LRRC41: variants seen among roughly 807,000 people sequenced by gnomAD.
LRRC41 encodes the protein leucine rich repeat containing 41, also known as leucine-rich repeat-containing protein 41.
In LRRC41, 17 loss-of-function variants were observed where a neutral mutation model predicts 72.1. The ratio of observed to expected loss-of-function variants is 0.24; its 90% CI spans 0.16 to 0.35. The LOEUF is 0.35. Among genes scored for constraint, LRRC41 ranks in the 10% least tolerant of loss-of-function variants. The pLI is 1.00. For missense variants in LRRC41, 759 were observed against 1,065.0 expected, an observed-to-expected ratio of 0.71 and a Z score of 4.00; for synonymous variants, 427 against 431.0, an observed-to-expected ratio of 0.99 and a Z score of 0.11.
At position 46,277,803 on chromosome 1, in the gene LRRC41, C is replaced by T. The variant is rs1304382961; in HGVS notation, c.*1062G>A. On this transcript the variant is annotated 3_prime_UTR_variant, in exon 10 of 10. Transcript: ENST00000617190. The stretch of plus-strand genomic sequence containing the variant: ...CGCTGTATCTTTTGACATTCCCCAC[C>T]TCCTCTTCCCCAGGCAGGGACCATT... The T allele has an allele frequency of 6.3e-7, 1 of 1,598,174 alleles. No homozygotes were observed. The highest frequency in any genetic ancestry group is 1.3e-5 in the African/African-American group (1 of 74,570).
chr1:46,297,097 A>G (rs1450158308), intron 3 of LRRC41: 1 of 154,624 alleles, frequency 6.5e-6, no homozygotes, highest in Non-Finnish European at 1.4e-5. Flanking sequence ...TAGTTCACAC[A>G]GCTCAAGGTA....
At position 46,278,326 on chromosome 1, in the gene LRRC41, GA is replaced by G; in HGVS notation, c.*538del. 2 of 1,551,944 alleles carry G rather than the reference GA, an allele frequency of 1.3e-6. No individual in the cohort carries two copies. Among genetic ancestry groups the G allele is most frequent in the Non-Finnish European group, 1.8e-6 (2 of 1,140,228 alleles). On this transcript the variant is annotated 3_prime_UTR_variant, in exon 10 of 10. Transcript: ENST00000617190. ...GTAGCTCTTAGAGGAAGGAGATAGG[GA>G]AAAGGGGCTCCTTGCTCCACAGGGC... is the stretch of plus-strand genomic sequence containing the variant.
rs1457825036 is a variant in LRRC41, at chr1:46,277,836, A to T, written c.*1029T>A. 6.2e-7 allele frequency: 1 copy of T among 1,611,356 alleles called. No homozygotes were observed. Among genetic ancestry groups the T allele is most frequent in the Admixed American group, 1.7e-5 (1 of 60,016 alleles). On this transcript the variant is annotated 3_prime_UTR_variant, in exon 10 of 10. Transcript: ENST00000617190. ...CCCCAGGCAGGGACCATTGAGGAGA[A>T]GATCTTCCAGCGTCAGAGCCACAAG...
chr1:46,287,126 T>C (rs181394784), intron 3 of LRRC41, among the ~76,000 whole-genome samples: 1 of 151,616 alleles, frequency 6.6e-6, no homozygotes, highest in East Asian at 1.9e-4. Flanking sequence ...TCATTTTTTT[T>C]TAGACGGAGT....
rs1660884244 is a variant in LRRC41, at chr1:46,286,365, G to C, written c.492C>G (p.Val164=). 1.2e-6 allele frequency: 2 copies of C among 1,614,058 alleles called. No homozygotes were observed. The change falls in exon 4 of 10, where the codon GTC becomes GTG. Residue 164 remains valine, a synonymous_variant. Coordinates refer to ENST00000617190, the MANE Select transcript of LRRC41 (RefSeq NM_006369.5). The surrounding 1 kb of genome is among the most constrained non-coding windows in gnomAD (Gnocchi z 5.5). Reference sequence around the variant, plus strand: ...GCATGTTACAGATGGTGAGCTGTCGGACATGGCGGGAGCTGTGCAGAAGAG... The same window carrying C: ...GCATGTTACAGATGGTGAGCTGTCGCACATGGCGGGAGCTGTGCAGAAGAG... ...FSPLLHSSRH[V]RQLTICNMLQ... is the part of the protein sequence containing the mutation.
At chr1:46,282,721 G>A (rs1044260636) in intron 4 of LRRC41, among the ~76,000 whole-genome samples, 3 of 151,994 alleles carry the variant, frequency 2.0e-5, no homozygotes, top group African/African-American at 4.8e-5. Context: ...AGAGTGTGAA[G>A]GGGGGAAGCA....
chr1:46,301,339 G>A (rs895683820), intron 1 of LRRC41, among the ~76,000 whole-genome samples: 5 of 151,960 alleles, frequency 3.3e-5, no homozygotes, highest in Admixed American at 1.3e-4. Flanking sequence ...AGCTCCAGGC[G>A]GAAAAGCCAG....
chr1:46,291,353 A>G (rs1243239776), intron 3 of LRRC41, among the ~76,000 whole-genome samples: 1 of 152,042 alleles, frequency 6.6e-6, no homozygotes, highest in East Asian at 1.9e-4. Flanking sequence ...TTTTTTTAAG[A>G]GACAGGGTCT....
chr1:46,285,055 A>G lies in LRRC41; in HGVS notation c.1495+307T>C, dbSNP rs1429324679. ...ACTCTAGCCCTGCCTGAGCATGCAT[A>G]TACTATACTGCTCCCACCTGCCCTT... On this transcript the variant is annotated intron_variant, in intron 4 of 9. Transcript: ENST00000617190. This position sits in a 1 kb window ranked among gnomAD's most constrained non-coding sequence, Gnocchi z 5.3. 1.5e-5 allele frequency: 6 copies of G among 406,646 alleles called. No homozygotes were observed. The highest frequency in any genetic ancestry group is 2.3e-5 in the Non-Finnish European group (5 of 215,580). 25.2% of individuals were successfully genotyped at this position (406,646 alleles called of 1,614,324 possible).
intron 5 of LRRC41, 152 bp from the exon 6 acceptor site, chr1:46,280,712 T>TC: frequency 1.3e-6 from 1 of 789,270 alleles, no homozygotes; most frequent in Non-Finnish European, 2.0e-6. Flanking sequence ...TGTGCTAGAT[T>TC]CTAGGAATTG....
Position 46,302,150 on chromosome 1 carries a change from C to T in LRRC41, c.199+974G>A. 3.0e-6 allele frequency: 3 copies of T among 985,314 alleles called. No individual in the cohort carries two copies. Among genetic ancestry groups the T allele is most frequent in the South Asian group, 4.7e-5 (1 of 21,286 alleles). 61.0% of individuals were successfully genotyped at this position (985,314 alleles called of 1,614,324 possible). ...GGCCGCCCTCCATCCAGGCCCGGCC[C>T]TTTGGTCCCGGCCGCCTTCAGGCCT... On this transcript the variant is annotated intron_variant, in intron 1 of 9. Coordinates refer to ENST00000617190, the MANE Select transcript of LRRC41 (RefSeq NM_006369.5). This position sits in a 1 kb window ranked among gnomAD's most constrained non-coding sequence, Gnocchi z 4.7.
At position 46,278,761 on chromosome 1, in the gene LRRC41, C is replaced by T. The variant is rs760425938; in HGVS notation, c.*104G>A. 8.6e-6 allele frequency: 10 copies of T among 1,160,602 alleles called. No individual in the cohort carries two copies. The East Asian group carries it at 2.1e-4, about 25-fold the overall frequency. 71.9% of individuals were successfully genotyped at this position (1,160,602 alleles called of 1,614,324 possible). A position where few individuals can be genotyped will look rare whatever the true frequency, so the allele number is the denominator to read the frequency against. Reference sequence around the variant, plus strand: ...GAAGGAAAAAAGAGAAAAAAGGTGACAGAAAGAGAAAGATAGAACTGGTGG... The same window carrying T: ...GAAGGAAAAAAGAGAAAAAAGGTGATAGAAAGAGAAAGATAGAACTGGTGG... On this transcript the variant is annotated 3_prime_UTR_variant, in exon 10 of 10. Transcript: ENST00000617190.
At chr1:46,301,539 C>G (rs1661223398) in intron 1 of LRRC41, among the ~76,000 whole-genome samples, 1 of 152,004 alleles carries the variant, frequency 6.6e-6, no homozygotes, top group Non-Finnish European at 1.5e-5. Flanking sequence ...CACCACTATG[C>G]AGGACACTCA....
At chr1:46,292,371 A>G (rs139747040) in intron 3 of LRRC41, among the ~76,000 whole-genome samples, 1 of 152,288 alleles carries the variant, frequency 6.6e-6, no homozygotes, top group East Asian at 1.9e-4. Flanking sequence ...GTCTGGAATT[A>G]CAGGTAAGAG....
chr1:46,279,456 C>G lies in LRRC41; in HGVS notation c.2143+36G>C. 6.2e-7 allele frequency: 1 copy of G among 1,614,166 alleles called. No individual in the cohort carries two copies. The highest frequency in any genetic ancestry group is 8.5e-7 in the Non-Finnish European group (1 of 1,180,034). Reference sequence around the variant, plus strand: ...GAGTTTTTAGGTCAAAGGCCTAGCTCCTTTCCCCTCTCCCTCCCCAGGGTC... The same window carrying G: ...GAGTTTTTAGGTCAAAGGCCTAGCTGCTTTCCCCTCTCCCTCCCCAGGGTC... On this transcript the variant is annotated intron_variant, in intron 8 of 9. Transcript: ENST00000617190. This position sits in a 1 kb window ranked among gnomAD's most constrained non-coding sequence, Gnocchi z 4.5.
chr1:46,285,879 G>A lies in LRRC41; in HGVS notation c.978C>T (p.Ser326=). 6.4e-7 allele frequency: 1 copy of A among 1,564,600 alleles called. No individual in the cohort carries two copies. Among genetic ancestry groups the A allele is most frequent in the Non-Finnish European group, 8.6e-7 (1 of 1,157,924 alleles). ...AAPATRVTRR[S]TQESLTAGGT... is the part of the protein sequence containing the mutation. ...CGCCTGCTGTCAGGCTCTCCTGTGTGCTCCGGCGTGTTACCCGAGTGGCAG... is the reference window on the plus strand; with the variant it reads ...CGCCTGCTGTCAGGCTCTCCTGTGTACTCCGGCGTGTTACCCGAGTGGCAG... The change falls in exon 4 of 10, where the codon AGC becomes AGT. Residue 326 remains serine, a synonymous_variant. Coordinates refer to ENST00000617190, the MANE Select transcript of LRRC41 (RefSeq NM_006369.5). This position sits in a 1 kb window ranked among gnomAD's most constrained non-coding sequence, Gnocchi z 5.3.
rs765837749 is a variant in LRRC41, at chr1:46,279,176, A to G, written c.2219+6T>C. On this transcript the variant is annotated splice_donor_region_variant and intron_variant, in intron 9 of 9. Coordinates refer to ENST00000617190, the MANE Select transcript of LRRC41 (RefSeq NM_006369.5). This position sits in a 1 kb window ranked among gnomAD's most constrained non-coding sequence, Gnocchi z 4.5. ...CATCCCTTGTCTTGCCCCTCCCCTC[A>G]TGTACCTGATGTCCAGCTGACAGAG... The G allele has an allele frequency of 6.2e-7, 1 of 1,613,980 alleles. No individual in the cohort carries two copies.
chr1:46,285,305 C>G lies in LRRC41; in HGVS notation c.1495+57G>C. ...CCTCCCACCTCCCTAGAATTAGGCA[C>G]ACAGCTGGTGCTGCTAGGCAATCTA... is the stretch of plus-strand genomic sequence containing the variant. On this transcript the variant is annotated intron_variant, in intron 4 of 9. Transcript: ENST00000617190. The surrounding 1 kb of genome is among the most constrained non-coding windows in gnomAD (Gnocchi z 5.3). 6.3e-7 allele frequency: 1 copy of G among 1,579,118 alleles called. No individual in the cohort carries two copies. Among genetic ancestry groups the G allele is most frequent in the South Asian group, 1.1e-5 (1 of 87,494 alleles).
At position 46,303,276 on chromosome 1, in the gene LRRC41, T is replaced by A. The variant is rs1055476089; in HGVS notation, c.47A>T (p.Glu16Val). 13 of 1,544,348 alleles carry A rather than the reference T, an allele frequency of 8.4e-6. No homozygotes were observed. The highest frequency in any genetic ancestry group is 1.1e-5 in the Non-Finnish European group (13 of 1,145,834). ...CTCCATGGTCGTTGCCGCCGCTACC[T>A]CACAGAACCAGCAACTCCGGGCGCG... ...AWRARSCWFC[E>V]VAAATTMEAT... Residue 16 changes from glutamate to valine, a missense_variant, in exon 1 of 10, where the codon GAG (glutamate) becomes GTG (valine). Glu to Val is a moderately radical substitution (Grantham distance 121). Around this residue, in one of 4 missense-constraint regions of LRRC41, gnomAD observed 106 missense variants for 66.1 expected, o/e 1.60. Coordinates refer to ENST00000617190, the MANE Select transcript of LRRC41 (RefSeq NM_006369.5).
Sources: allele counts gnomAD v4.1 joint callset (sites outside exome capture counted in the v4.1 genomes callset), GRCh38; gene constraint gnomAD v4.1.1; regional missense constraint gnomAD v4.1.1; non-coding constraint Gnocchi (gnomAD v3.1); transcripts MANE v1.5; gene names NCBI Gene and HGNC (gene_info 2026-07-23, HGNC 2026-07-21).